RNF217: variants seen among roughly 807,000 people sequenced by gnomAD.
RNF217 encodes ring finger protein 217.
Under a neutral mutation model 57.8 loss-of-function variants are expected in RNF217, and 31 were observed. The ratio of observed to expected loss-of-function variants is 0.54; its 90% CI spans 0.40 to 0.72. The LOEUF (loss-of-function observed/expected upper bound fraction) is 0.72, where lower values mean the gene tolerates loss of function less well. RNF217 is among the 30% of genes least tolerant of loss of function. The pLI, the probability that RNF217 is intolerant of heterozygous loss-of-function variation, is 0.00. For missense variants in RNF217, 696 were observed against 708.3 expected (o/e 0.98, Z 0.20); for synonymous variants, 313 against 294.0 (o/e 1.06, Z -0.66).
At chr6:125,058,419 A>G (rs977813173) in intron 3 of RNF217, among the ~76,000 whole-genome samples, 1 of 152,198 alleles carries the variant, frequency 6.6e-6, no homozygotes, top group Non-Finnish European at 1.5e-5. Context: ...TAAAAGTGAT[A>G]TAAAAGTATA....
intron 1 of RNF217, among the ~76,000 whole-genome samples, chr6:125,021,581 A>T (rs73579224): frequency 6.6e-6 from 1 of 152,056 alleles, no homozygotes; most frequent in Non-Finnish European, 1.5e-5. Context: ...TGCTTACCTT[A>T]TGTTACATGG....
intron 3 of RNF217, among the ~76,000 whole-genome samples, chr6:125,061,565 CATT>C (rs1198770128): frequency 8.6e-5 from 13 of 151,240 alleles, no homozygotes; most frequent in Non-Finnish European, 1.2e-4. Flanking sequence ...CCACTTCTGG[CATT>C]ATTGTCTCCA....
chr6:124,972,644 A>C (rs1479534144), intron 1 of RNF217, among the ~76,000 whole-genome samples: 1 of 151,986 alleles, frequency 6.6e-6, no homozygotes, highest in Non-Finnish European at 1.5e-5. Context: ...CTGAATTATG[A>C]GCCTTTACCT....
At chr6:124,986,137 T>C (rs980908882) in intron 1 of RNF217, among the ~76,000 whole-genome samples, 3 of 152,304 alleles carry the variant, frequency 2.0e-5, no homozygotes, top group African/African-American at 7.2e-5. Flanking sequence ...TAATTCAGAT[T>C]GCATTCCTCA....
chr6:125,064,413 A>G (rs899740522), intron 3 of RNF217, among the ~76,000 whole-genome samples: 1 of 152,194 alleles, frequency 6.6e-6, no homozygotes, highest in Admixed American at 6.5e-5. Flanking sequence ...CCCTGTTTTT[A>G]TGACAAGTAA....
chr6:124,999,495 C>T lies in RNF217; in HGVS notation c.882+36069C>T, dbSNP rs1459140216. 3.3e-5 allele frequency among the ~76,000 whole-genome samples: 5 copies of T among 151,522 alleles called. No homozygotes were observed. In the South Asian group the frequency reaches 1.0e-3, roughly 32 times the overall value. On this transcript the variant is annotated intron_variant, in intron 1 of 5. Coordinates refer to ENST00000521654, the MANE Select transcript of RNF217 (RefSeq NM_001286398.3). The stretch of plus-strand genomic sequence containing the variant: ...AAGCTTTAAAATTGTGGTTCAAACT[C>T]ATTGTTATGTTTAGTGTGATCTTGT...
Position 125,087,783 on chromosome 6 carries a change from A to G in RNF217, c.*4846A>G, listed in dbSNP as rs1788812992. On this transcript the variant is annotated 3_prime_UTR_variant, in exon 6 of 6. Transcript: ENST00000521654. ...AATAATACTTAATAAGTGTTACCTAATATACCTAATTGGAATGTTTGTTTA... is the reference window on the plus strand; with the variant it reads ...AATAATACTTAATAAGTGTTACCTAGTATACCTAATTGGAATGTTTGTTTA... 1 of 152,062 alleles carries G rather than the reference A, an allele frequency of 6.6e-6. No individual in the cohort carries two copies. The highest frequency in any genetic ancestry group is 2.4e-5 in the African/African-American group (1 of 41,434). 9.4% of individuals were successfully genotyped at this position (152,062 alleles called of 1,614,324 possible). A position where few individuals can be genotyped will look rare whatever the true frequency, so the allele number is the denominator to read the frequency against.
At chr6:125,030,511 G>T (rs1786308421) in intron 1 of RNF217, among the ~76,000 whole-genome samples, 1 of 152,162 alleles carries the variant, frequency 6.6e-6, no homozygotes. Context: ...TTCCAAATGG[G>T]AGCTATTGGC....
Position 124,994,719 on chromosome 6 carries a change from A to G in RNF217, c.882+31293A>G, listed in dbSNP as rs116044830. 1.5e-3 allele frequency among the ~76,000 whole-genome samples: 224 copies of G among 152,322 alleles called. 2 individuals carry two copies. Among genetic ancestry groups the G allele is most frequent in the African/African-American group, 5.0e-3 (206 of 41,582 alleles). On this transcript the variant is annotated intron_variant, in intron 1 of 5. Coordinates refer to ENST00000521654, the MANE Select transcript of RNF217 (RefSeq NM_001286398.3). ...CCAAGTGTTTTCTTTTGTGCTAGTA[A>G]GTGCTACTTTAGGCAGTTGTATGGC...
intron 1 of RNF217, among the ~76,000 whole-genome samples, chr6:124,980,166 A>G (rs1784110160): frequency 6.6e-6 from 1 of 152,184 alleles, no homozygotes; most frequent in African/African-American, 2.4e-5. Context: ...AGAGACATGT[A>G]AAAAGTCACT....
chr6:124,973,809 A>T (rs112978294), intron 1 of RNF217, among the ~76,000 whole-genome samples: 165 of 151,972 alleles, frequency 1.1e-3, no homozygotes, highest in African/African-American at 3.9e-3. Context: ...TTCTTCCAGA[A>T]CCTAGGAACA....
At chr6:125,070,606 G>C (rs914011638) in intron 3 of RNF217, among the ~76,000 whole-genome samples, 1 of 152,138 alleles carries the variant, frequency 6.6e-6, no homozygotes, top group Admixed American at 6.5e-5. Context: ...GTGATGCTGA[G>C]CATTTTTTCA....
At chr6:125,033,667 G>C (rs1339882207) in intron 1 of RNF217, among the ~76,000 whole-genome samples, 1 of 151,658 alleles carries the variant, frequency 6.6e-6, no homozygotes, top group Non-Finnish European at 1.5e-5. Context: ...GTGTGCATGT[G>C]TCTTTATAGC....
At chr6:125,006,903 C>A (rs554265709) in intron 1 of RNF217, among the ~76,000 whole-genome samples, 1 of 152,198 alleles carries the variant, frequency 6.6e-6, no homozygotes, top group South Asian at 2.1e-4. Context: ...GAGCCGAGAT[C>A]GCGCCATTGC....
chr6:124,964,314 T>C lies in RNF217; in HGVS notation c.882+888T>C, dbSNP rs79710943. 7.9e-3 allele frequency among the ~76,000 whole-genome samples: 1,209 copies of C among 152,338 alleles called. 22 individuals carry two copies. Among genetic ancestry groups the C allele is most frequent in the African/African-American group, 0.028 (1,164 of 41,582 alleles). ...CTGTGTGTTCAGGTGCCAACTCTTC[T>C]GTGAAGCGTTGCCTCACCCTCCAAG... On this transcript the variant is annotated intron_variant, in intron 1 of 5. Transcript: ENST00000521654.
At chr6:124,982,337 A>C (rs1413594) in intron 1 of RNF217, among the ~76,000 whole-genome samples, 1 of 152,040 alleles carries the variant, frequency 6.6e-6, no homozygotes, top group Non-Finnish European at 1.5e-5. Context: ...TTAATTTTTG[A>C]ATCATGACAG....
intron 3 of RNF217, among the ~76,000 whole-genome samples, chr6:125,062,074 T>C (rs1332008356): frequency 6.6e-6 from 1 of 152,114 alleles, no homozygotes; most frequent in Non-Finnish European, 1.5e-5. Context: ...TAGTCTCTTT[T>C]CTTGCTGCTG....
At chr6:125,035,513 G>T (rs1312286774) in intron 1 of RNF217, among the ~76,000 whole-genome samples, 1 of 152,166 alleles carries the variant, frequency 6.6e-6, no homozygotes, top group Non-Finnish European at 1.5e-5. Flanking sequence ...TGGGTTTGTT[G>T]TCTGCATGTT....
At chr6:125,007,187 AT>A (rs1398259365) in intron 1 of RNF217, among the ~76,000 whole-genome samples, 3 of 149,806 alleles carry the variant, frequency 2.0e-5, no homozygotes, top group Admixed American at 6.6e-5. Flanking sequence ...TGTTTACATC[AT>A]TTTTTCATGC....
Sources: allele counts gnomAD v4.1 joint callset (sites outside exome capture counted in the v4.1 genomes callset), GRCh38; gene constraint gnomAD v4.1.1; transcripts MANE v1.5; gene names NCBI Gene and HGNC (gene_info 2026-07-23, HGNC 2026-07-21).